The following TMBIM4 variants were observed in gnomAD, a reference collection of about 807,000 sequenced individuals.
TMBIM4 encodes the protein transmembrane BAX inhibitor motif containing 4, also known as protein lifeguard 4.
A neutral mutation model predicts 27.7 loss-of-function variants in TMBIM4; 28 were observed. The observed-to-expected ratio is 1.01, with a 90% CI of 0.75 to 1.38. The LOEUF is 1.38. Among genes scored for constraint, TMBIM4 ranks in the 40% most tolerant of loss-of-function variants. The pLI, the probability that TMBIM4 is intolerant of heterozygous loss-of-function variation, is 0.00. For missense variants in TMBIM4, 265 were observed against 277.5 expected (o/e 0.95, Z 0.32); for synonymous variants, 115 against 113.1 (o/e 1.02, Z -0.11).
At chr12:66,148,373 T>G (rs12582384) in intron 3 of TMBIM4, among the ~76,000 whole-genome samples, 11,682 of 152,238 alleles carry the variant, frequency 0.077, 1,034 homozygotes, top group East Asian at 0.51. Context: ...ATTCATTCTC[T>G]CTTTCTTCCC....
At chr12:66,148,643 A>G (rs1211310976) in intron 3 of TMBIM4, among the ~76,000 whole-genome samples, 1 of 152,198 alleles carries the variant, frequency 6.6e-6, no homozygotes, top group Admixed American at 6.5e-5. Flanking sequence ...GATCTATCAT[A>G]TACCACTCTA....
chr12:66,153,017 T>TC (rs2051874315), intron 2 of TMBIM4, among the ~76,000 whole-genome samples: 3 of 152,060 alleles, frequency 2.0e-5, no homozygotes, highest in Non-Finnish European at 2.9e-5. Context: ...TCAAGTACTG[T>TC]CTTAGGCTTT....
In TMBIM4 at chr12:66,169,126, T is replaced by C. The variant is rs970375727; in HGVS notation, c.97+729A>G. ...TTCATCTTTCCTTTTCCAGAACAAG[T>C]TCCAGCTGCCTAAACAGGCTGAAAG... On this transcript the variant is annotated intron_variant, in intron 1 of 6. Transcript: ENST00000358230. 4 of 589,070 alleles carry C rather than the reference T, an allele frequency of 6.8e-6. No homozygotes were observed. In the African/African-American group the frequency reaches 7.6e-5, roughly 11 times the overall value. 36.5% of individuals were successfully genotyped at this position (589,070 alleles called of 1,614,324 possible). A position where few individuals can be genotyped will look rare whatever the true frequency, so the allele number is the denominator to read the frequency against.
intron 3 of TMBIM4, among the ~76,000 whole-genome samples, chr12:66,149,444 CAAAAAAAAAA>C (rs61425460): frequency 1.3e-5 from 1 of 74,512 alleles, no homozygotes; most frequent in Non-Finnish European, 2.4e-5. Context: ...GACCCTGTCT[CAAAAAAAAAA>C]AAAAAAAAAA....
intron 3 of TMBIM4, among the ~76,000 whole-genome samples, chr12:66,150,579 A>G (rs1393932992): frequency 1.3e-5 from 2 of 151,714 alleles, no homozygotes; most frequent in East Asian, 3.9e-4. Context: ...CATCTGGCTA[A>G]TTTTTGTATT....
chr12:66,158,367 G>A (rs995353308), intron 1 of TMBIM4, among the ~76,000 whole-genome samples: 4 of 149,574 alleles, frequency 2.7e-5, no homozygotes, highest in Admixed American at 6.7e-5. Flanking sequence ...CAGGCCGGGT[G>A]CAGTGGCTCA....
intron 5 of TMBIM4, among the ~76,000 whole-genome samples, chr12:66,143,716 C>G (rs558428038): frequency 2.2e-4 from 34 of 152,244 alleles, no homozygotes; most frequent in African/African-American, 7.9e-4. Flanking sequence ...ACATTTAACG[C>G]ACTTCTTCAG....
intron 1 of TMBIM4, among the ~76,000 whole-genome samples, chr12:66,154,773 TA>T (rs1362508217): frequency 6.6e-6 from 1 of 152,134 alleles, no homozygotes; most frequent in East Asian, 1.9e-4. Flanking sequence ...AATATCAAGT[TA>T]AAAAAACAAA....
Position 66,136,349 on chromosome 12 carries a change from C to T in TMBIM4, c.*1611G>A, listed in dbSNP as rs529911672. The T allele has an allele frequency of 1.3e-5, 2 of 153,156 alleles. No homozygotes were observed. The highest frequency in any genetic ancestry group is 3.9e-4 in the East Asian group (2 of 5,192). The allele number at this position is 153,156 out of a possible 1,614,324, so 9.5% of individuals were successfully genotyped here. On this transcript the variant is annotated 3_prime_UTR_variant, in exon 7 of 7. Transcript: ENST00000358230. ...AAACTTGATTGCACTGCATCATACA[C>T]TTGATAATTCAACAGTTAATGATAA...
chr12:66,157,908 G>C (rs544762007), intron 1 of TMBIM4, among the ~76,000 whole-genome samples: 80 of 152,212 alleles, frequency 5.3e-4, no homozygotes, highest in Non-Finnish European at 1.0e-3. Flanking sequence ...TAAAATAGAA[G>C]AGATACACAG....
intron 1 of TMBIM4, among the ~76,000 whole-genome samples, chr12:66,168,448 G>T (rs1390703848): frequency 6.6e-6 from 1 of 152,046 alleles, no homozygotes; most frequent in African/African-American, 2.4e-5. Context: ...AAAAGTTCTG[G>T]ATATTGGATG....
At chr12:66,148,627 C>T (rs1430801124) in intron 3 of TMBIM4, among the ~76,000 whole-genome samples, 1 of 152,128 alleles carries the variant, frequency 6.6e-6, no homozygotes, top group Non-Finnish European at 1.5e-5. Context: ...CTATCTTATA[C>T]CATATGATCT....
chr12:66,161,488 C>T (rs1284158599), intron 1 of TMBIM4, among the ~76,000 whole-genome samples: 1 of 152,200 alleles, frequency 6.6e-6, no homozygotes, highest in Non-Finnish European at 1.5e-5. Context: ...TCACCTTGGC[C>T]TCCCAAAGTT....
rs1262878787 is a variant in TMBIM4, at chr12:66,152,374, G to C, written c.209C>G (p.Pro70Arg). 1 of 1,599,622 alleles carries C rather than the reference G, an allele frequency of 6.3e-7. No homozygotes were observed. The highest frequency in any genetic ancestry group is 8.5e-7 in the Non-Finnish European group (1 of 1,171,374). Reference protein sequence around the residue: ...ESVRTFVHESPALILLFALGS... With the variant: ...ESVRTFVHESRALILLFALGS... ...GAGGGCAAACAGCAAAATTAAGGCA[G>C]GACTGAAAGACATAATATTAAGTGT... Residue 70 changes from proline (P) to arginine (R), a missense_variant and splice_region_variant, in exon 3 of 7, where the codon CCT becomes CGT. Physicochemically the swap from Pro to Arg is moderately radical, Grantham distance 103 (BLOSUM62 -2). Transcript: ENST00000358230.
At chr12:66,145,812 T>A in intron 5 of TMBIM4, 29 bp downstream of exon 5, 1 of 1,241,728 alleles carries the variant, frequency 8.1e-7, no homozygotes, top group Non-Finnish European at 1.2e-6. Context: ...GACATCTATC[T>A]ATTATATCCA....
intron 3 of TMBIM4, among the ~76,000 whole-genome samples, chr12:66,149,635 T>G (rs1005378730): frequency 6.6e-6 from 1 of 152,078 alleles, no homozygotes; most frequent in Non-Finnish European, 1.5e-5. Context: ...AATGTCCCTT[T>G]AAAACATATA....
intron 5 of TMBIM4, among the ~76,000 whole-genome samples, chr12:66,141,918 C>A (rs1028591353): frequency 6.6e-6 from 1 of 152,126 alleles, no homozygotes; most frequent in African/African-American, 2.4e-5. Flanking sequence ...ATTGATAAAA[C>A]AAGTAGGCAG....
chr12:66,167,040 G>A (rs2052143027), intron 1 of TMBIM4, among the ~76,000 whole-genome samples: 1 of 152,150 alleles, frequency 6.6e-6, no homozygotes, highest in East Asian at 1.9e-4. Context: ...AATTTGAAAG[G>A]TTACATGATA....
chr12:66,165,616 G>A (rs1201932303), intron 1 of TMBIM4, among the ~76,000 whole-genome samples: 1 of 152,022 alleles, frequency 6.6e-6, no homozygotes, highest in Non-Finnish European at 1.5e-5. Context: ...ATGTGTTCAA[G>A]TCTTTTGCTG....
Sources: gnomAD v4.1 joint callset for allele counts (sites outside exome capture counted in the v4.1 genomes callset) on GRCh38, gnomAD v4.1.1 for gene constraint, MANE v1.5 for transcripts, NCBI Gene and HGNC (gene_info 2026-07-23, HGNC 2026-07-21) for gene names.